Variants in FGF14 observed in about 807,000 individuals in gnomAD.
FGF14 encodes fibroblast growth factor 14, also known as fibroblast growth factor homologous factor 4.
In FGF14, 5 loss-of-function variants were observed where a neutral mutation model predicts 25.5. That is an observed-to-expected ratio of 0.20 (90% confidence interval 0.10 to 0.41). The LOEUF (loss-of-function observed/expected upper bound fraction) is 0.41, where lower values mean the gene tolerates loss of function less well. Ranked by LOEUF, FGF14 falls within the 10% of genes least tolerant of loss-of-function variation. FGF14 has a pLI of 1.00. For missense variants in FGF14, 222 were observed against 320.1 expected (o/e 0.69, Z 2.34); for synonymous variants, 138 against 118.3 (o/e 1.17, Z -1.08).
chr13:102,213,152 C>A (rs992081305), intron 1 of FGF14, among the ~76,000 whole-genome samples: 1 of 152,194 alleles, frequency 6.6e-6, no homozygotes, highest in Non-Finnish European at 1.5e-5. Flanking sequence ...GTCTGCCTTG[C>A]AATTTCAGGA....
At chr13:101,802,319 C>T (rs1013744211) in intron 3 of FGF14, 6 of 193,130 alleles carry the variant, frequency 3.1e-5, no homozygotes, top group East Asian at 1.5e-4. Flanking sequence ...ATGAGAAGGA[C>T]GTTGCTGACA....
chr13:102,370,699 C>T (rs919727646), intron 1 of FGF14, among the ~76,000 whole-genome samples: 1 of 152,106 alleles, frequency 6.6e-6, no homozygotes, highest in Non-Finnish European at 1.5e-5. Context: ...AATGTGCATC[C>T]TGTTATTCTT....
At chr13:102,122,058 T>C (rs931472631) in intron 1 of FGF14, among the ~76,000 whole-genome samples, 3 of 152,236 alleles carry the variant, frequency 2.0e-5, no homozygotes, top group African/African-American at 4.8e-5. Context: ...CACAAATTCA[T>C]GGGATATACT....
At chr13:102,132,682 G>T (rs1005687194) in intron 1 of FGF14, among the ~76,000 whole-genome samples, 3 of 151,768 alleles carry the variant, frequency 2.0e-5, no homozygotes, top group Non-Finnish European at 2.9e-5. Flanking sequence ...ACATCACTTG[G>T]CTAATTTTTT....
intron 1 of FGF14, among the ~76,000 whole-genome samples, chr13:102,294,792 C>T (rs937007286): frequency 1.3e-5 from 2 of 152,144 alleles, no homozygotes; most frequent in African/African-American, 2.4e-5. Flanking sequence ...AGTTCTGGCT[C>T]CCTCAGAACC....
intron 3 of FGF14, among the ~76,000 whole-genome samples, chr13:101,744,964 A>T (rs563766010): frequency 1.3e-5 from 2 of 152,118 alleles, no homozygotes; most frequent in East Asian, 3.9e-4. Flanking sequence ...ACATCAAATA[A>T]ATGTTTGAAC....
At chr13:102,339,116 C>A (rs2138887719) in intron 1 of FGF14, among the ~76,000 whole-genome samples, 1 of 151,940 alleles carries the variant, frequency 6.6e-6, no homozygotes, top group South Asian at 2.1e-4. Flanking sequence ...ACAAGGAATT[C>A]TTGAGGGTGT....
intron 1 of FGF14, among the ~76,000 whole-genome samples, chr13:102,058,660 G>C (rs2042543932): frequency 6.6e-6 from 1 of 152,038 alleles, no homozygotes; most frequent in African/African-American, 2.4e-5. Context: ...ACATTAATAT[G>C]CATTTTTTCA....
chr13:102,384,020 T>C (rs2058246735), intron 1 of FGF14, among the ~76,000 whole-genome samples: 1 of 152,234 alleles, frequency 6.6e-6, no homozygotes, highest in South Asian at 2.1e-4. Flanking sequence ...AGACGCAAGA[T>C]GTTATTCAAG....
intron 1 of FGF14, among the ~76,000 whole-genome samples, chr13:101,937,935 T>C (rs2035210429): frequency 6.6e-6 from 1 of 152,210 alleles, no homozygotes; most frequent in Non-Finnish European, 1.5e-5. Flanking sequence ...TGTGGTATTT[T>C]CTTATGACAG....
At chr13:102,390,568 A>C (rs2058408718) in intron 1 of FGF14, among the ~76,000 whole-genome samples, 1 of 152,232 alleles carries the variant, frequency 6.6e-6, no homozygotes, top group Non-Finnish European at 1.5e-5. Context: ...TTATACTCAG[A>C]TCTTTCAGTT....
intron 1 of FGF14, among the ~76,000 whole-genome samples, chr13:101,898,806 T>C (rs1399637814): frequency 6.6e-6 from 1 of 152,122 alleles, no homozygotes; most frequent in Non-Finnish European, 1.5e-5. Flanking sequence ...GAAAGAAAAT[T>C]GGTTGATGGC....
chr13:101,960,716 G>C (rs1412760493), intron 1 of FGF14, among the ~76,000 whole-genome samples: 1 of 152,170 alleles, frequency 6.6e-6, no homozygotes, highest in African/African-American at 2.4e-5. Flanking sequence ...CCAGTAATGG[G>C]ATTGCCAGGT....
intron 3 of FGF14, among the ~76,000 whole-genome samples, chr13:101,739,201 A>T (rs1255828280): frequency 6.6e-6 from 1 of 151,118 alleles, no homozygotes; most frequent in African/African-American, 2.4e-5. Context: ...TACTGTGAAC[A>T]CATGGAAACA....
intron 1 of FGF14, among the ~76,000 whole-genome samples, chr13:102,181,065 T>C (rs1265108064): frequency 6.6e-6 from 1 of 152,186 alleles, no homozygotes; most frequent in African/African-American, 2.4e-5. Flanking sequence ...AGGCCAAATC[T>C]AGCTCTCTAC....
rs760807220 is a variant in FGF14 at position 102,143,752 on chromosome 13, C to G, written c.208+257719G>C. On this transcript the variant is annotated intron_variant, in intron 1 of 4. Transcript: ENST00000376131. ...AAGACACTATGTTTCAGACCTCTAT[C>G]TAAAATACATATATAAAGAAATACA... Among the ~76,000 whole-genome samples, 9 of 152,256 alleles carry G rather than the reference C, an allele frequency of 5.9e-5. No individual in the cohort carries two copies. The South Asian group carries it at 1.5e-3, about 25-fold the overall frequency.
At chr13:102,014,646 T>A (rs9585829) in intron 1 of FGF14, among the ~76,000 whole-genome samples, 76,503 of 152,082 alleles carry the variant, frequency 0.5, 22,729 homozygotes, top group African/African-American at 0.81. Flanking sequence ...AAAAGACATA[T>A]AATGGCTTTT....
intron 1 of FGF14, among the ~76,000 whole-genome samples, chr13:101,996,711 G>A (rs7987595): frequency 0.29 from 43,309 of 151,838 alleles, 6,897 homozygotes; most frequent in East Asian, 0.7. Flanking sequence ...TTGGTGGTCA[G>A]TAAATAAAAG....
intron 3 of FGF14, among the ~76,000 whole-genome samples, chr13:101,770,746 C>CA (rs148503190): frequency 0.018 from 2,755 of 152,028 alleles, 81 homozygotes; most frequent in African/African-American, 0.062. Flanking sequence ...TGATGCTTTT[C>CA]AAAAAATTGT....
Sources: gnomAD v4.1 joint callset for allele counts (sites outside exome capture counted in the v4.1 genomes callset) on GRCh38, gnomAD v4.1.1 for gene constraint, MANE v1.5 for transcripts, NCBI Gene and HGNC (gene_info 2026-07-23, HGNC 2026-07-21) for gene names.